ANO6: variants seen among roughly 807,000 people sequenced by gnomAD.
The protein encoded by ANO6 is anoctamin-6.
In ANO6, 106 loss-of-function variants were observed where a neutral mutation model predicts 117.5. The ratio of observed to expected loss-of-function variants is 0.90; its 90% CI spans 0.77 to 1.06. ANO6 has a LOEUF of 1.06. ANO6 is among the 50% of genes least tolerant of loss of function. The pLI is 0.00. For missense variants in ANO6, 955 were observed against 1,121.1 expected (o/e 0.85, Z 2.12); for synonymous variants, 367 against 385.1 (o/e 0.95, Z 0.55).
Position 45,355,784 on chromosome 12 carries a change from C to G in ANO6, c.864-1506C>G, listed in dbSNP as rs183120776. On this transcript the variant is annotated intron_variant, in intron 7 of 19. Coordinates refer to ENST00000320560, the MANE Select transcript of ANO6 (RefSeq NM_001025356.3). Reference sequence around the variant, plus strand: ...CAGGCCTGTGACCCATGGAACTGGTCTCAGACCTTCCCTGTGAGTGCTTGT... The same window carrying G: ...CAGGCCTGTGACCCATGGAACTGGTGTCAGACCTTCCCTGTGAGTGCTTGT... Among the ~76,000 whole-genome samples the G allele has an allele frequency of 5.3e-5, 8 of 152,250 alleles. No individual in the cohort carries two copies. The East Asian group carries it at 1.5e-3, about 29-fold the overall frequency.
intron 1 of ANO6, among the ~76,000 whole-genome samples, chr12:45,241,137 C>A (rs1442623077): frequency 2.0e-5 from 3 of 152,220 alleles, no homozygotes; most frequent in Non-Finnish European, 4.4e-5. Context: ...TAATATCCTG[C>A]AGAGTGTTTT....
intron 19 of ANO6, chr12:45,439,600 T>G (rs1943746739): frequency 7.9e-7 from 1 of 1,272,492 alleles, no homozygotes; most frequent in African/African-American, 1.5e-5. Flanking sequence ...TCATTCAGCT[T>G]ACCTGAAGAC....
In ANO6 at chr12:45,422,943, C is replaced by T. The variant is rs1180206048; in HGVS notation, c.2421-14C>T. On this transcript the variant is annotated splice_polypyrimidine_tract_variant and intron_variant, in intron 18 of 19. Transcript: ENST00000320560. ...AAAGATTTGTCTCCCAATATGTCTC[C>T]ATTTTGTTTTCAGGTATCGTGATTT... 30 of 1,564,350 alleles carry T rather than the reference C, an allele frequency of 1.9e-5. No individual in the cohort carries two copies. Among genetic ancestry groups the T allele is most frequent in the Non-Finnish European group, 2.6e-5 (30 of 1,134,750 alleles).
chr12:45,263,913 C>T (rs951450695), intron 1 of ANO6, among the ~76,000 whole-genome samples: 12 of 152,172 alleles, frequency 7.9e-5, no homozygotes, highest in Non-Finnish European at 1.5e-4. Context: ...ATAAAAGTAG[C>T]CTATTTTTTC....
intron 8 of ANO6, among the ~76,000 whole-genome samples, chr12:45,363,600 G>A (rs1007800948): frequency 7.2e-5 from 11 of 151,884 alleles, no homozygotes; most frequent in African/African-American, 2.4e-4. Flanking sequence ...TTCAGTCTGT[G>A]TTTCTGGTAG....
At chr12:45,240,440 G>T (rs1458083993) in intron 1 of ANO6, among the ~76,000 whole-genome samples, 1 of 124,960 alleles carries the variant, frequency 8.0e-6, no homozygotes, top group Admixed American at 9.9e-5. Flanking sequence ...GAGCCTGTGT[G>T]TGTCTCTGCA....
intron 1 of ANO6, among the ~76,000 whole-genome samples, chr12:45,259,916 A>AG (rs1937967112): frequency 6.6e-6 from 1 of 152,256 alleles, no homozygotes; most frequent in Non-Finnish European, 1.5e-5. Context: ...CAGGCACTGT[A>AG]GGTCAGCTCA....
intron 1 of ANO6, among the ~76,000 whole-genome samples, chr12:45,241,474 G>T (rs1276728475): frequency 6.6e-6 from 1 of 152,078 alleles, no homozygotes; most frequent in African/African-American, 2.4e-5. Context: ...AAGGTTTTTA[G>T]TTTCCTTGGA....
chr12:45,431,021 T>G lies in ANO6; in HGVS notation c.*1710T>G. 1.0e-6 allele frequency: 1 copy of G among 985,442 alleles called. No homozygotes were observed. Among genetic ancestry groups the G allele is most frequent in the Non-Finnish European group, 1.2e-6 (1 of 829,938 alleles). 61.0% of individuals were successfully genotyped at this position (985,442 alleles called of 1,614,324 possible). ...AAGTAGCGTAACTCTAGGTCATGATTGATTTCAAATGCCTGCCATGAATGA... is the reference window on the plus strand; with the variant it reads ...AAGTAGCGTAACTCTAGGTCATGATGGATTTCAAATGCCTGCCATGAATGA... On this transcript the variant is annotated 3_prime_UTR_variant, in exon 20 of 20. Coordinates refer to ENST00000320560, the MANE Select transcript of ANO6 (RefSeq NM_001025356.3).
chr12:45,301,141 A>T (rs758204239), intron 1 of ANO6, among the ~76,000 whole-genome samples: 1 of 152,214 alleles, frequency 6.6e-6, no homozygotes, highest in African/African-American at 2.4e-5. Context: ...GAGGTAAAAT[A>T]TTTCATAAAT....
chr12:45,280,697 A>G (rs1481157326), intron 1 of ANO6, among the ~76,000 whole-genome samples: 1 of 152,038 alleles, frequency 6.6e-6, no homozygotes, highest in Non-Finnish European at 1.5e-5. Flanking sequence ...ACTGTTTCAA[A>G]CTCTCACTGT....
At chr12:45,292,887 A>G in intron 1 of ANO6, 1 of 1,550,840 alleles carries the variant, frequency 6.4e-7, no homozygotes, top group Non-Finnish European at 8.7e-7. Context: ...GACTCACCGA[A>G]TTGTCCATTC....
At chr12:45,253,640 T>A (rs1023440711) in intron 1 of ANO6, among the ~76,000 whole-genome samples, 6 of 152,218 alleles carry the variant, frequency 3.9e-5, no homozygotes, top group African/African-American at 1.2e-4. Context: ...GTTACATGAA[T>A]GTGCAGGTTA....
At chr12:45,371,500 G>A (rs1045741807) in intron 9 of ANO6, among the ~76,000 whole-genome samples, 3 of 151,254 alleles carry the variant, frequency 2.0e-5, no homozygotes, top group South Asian at 2.1e-4. Flanking sequence ...CTCCCAGCAC[G>A]CAGCTGGAGA....
At chr12:45,317,574 A>G (rs1305717768) in intron 2 of ANO6, among the ~76,000 whole-genome samples, 8 of 152,042 alleles carry the variant, frequency 5.3e-5, no homozygotes, top group African/African-American at 9.6e-5. Flanking sequence ...TAGTGCTGCA[A>G]TAAACATACG....
rs375776405 is a variant in ANO6, at chr12:45,430,164, C to G, written c.*853C>G. 1.0e-6 allele frequency: 1 copy of G among 985,414 alleles called. No homozygotes were observed. The highest frequency in any genetic ancestry group is 1.2e-6 in the Non-Finnish European group (1 of 829,906). The allele number at this position is 985,414 out of a possible 1,614,324, so 61.0% of individuals were successfully genotyped here. A position where few individuals can be genotyped will look rare whatever the true frequency, so the allele number is the denominator to read the frequency against. ...TAAAGATGTGTAGTTTCTTGGAAAA[C>G]AGTGATATCACATGATTAAAATTAC... On this transcript the variant is annotated 3_prime_UTR_variant, in exon 20 of 20. Coordinates refer to ENST00000320560, the MANE Select transcript of ANO6 (RefSeq NM_001025356.3).
chr12:45,351,425 C>T (rs1428516671), intron 7 of ANO6, among the ~76,000 whole-genome samples: 5 of 152,140 alleles, frequency 3.3e-5, no homozygotes, highest in African/African-American at 9.7e-5. Context: ...CAGAAGCTTA[C>T]GTTGTTTGGG....
At chr12:45,414,380 T>A (rs1943161914) in intron 16 of ANO6, among the ~76,000 whole-genome samples, 1 of 152,106 alleles carries the variant, frequency 6.6e-6, no homozygotes, top group South Asian at 2.1e-4. Flanking sequence ...CTTTTTCTGG[T>A]GTTTTATTTT....
chr12:45,367,832 G>A (rs548915308), intron 9 of ANO6, 39 bp downstream of exon 9: 65 of 1,451,864 alleles, frequency 4.5e-5, no homozygotes, highest in Middle Eastern at 3.5e-4. Context: ...CCTAATGAAA[G>A]ATTTTTTTTC....
Sources: gnomAD v4.1 joint callset for allele counts (sites outside exome capture counted in the v4.1 genomes callset) on GRCh38, gnomAD v4.1.1 for gene constraint, MANE v1.5 for transcripts, NCBI Gene and HGNC (gene_info 2026-07-23, HGNC 2026-07-21) for gene names.